The following DZANK1 variants were observed in gnomAD, a reference collection of about 807,000 sequenced individuals.
DZANK1 encodes double zinc ribbon and ankyrin repeat-containing protein 1.
Under a neutral mutation model 94.5 loss-of-function variants are expected in DZANK1, and 91 were observed. That is an observed-to-expected ratio of 0.96 (90% CI 0.81 to 1.15). DZANK1 has a LOEUF of 1.15. Ranked by LOEUF, DZANK1 falls within the 50% of genes most tolerant of loss-of-function variation. The pLI, the probability that DZANK1 is intolerant of heterozygous loss-of-function variation, is 0.00. For missense variants in DZANK1, 903 were observed against 916.4 expected (o/e 0.99, Z 0.19); for synonymous variants, 312 against 325.3 (o/e 0.96, Z 0.44).
rs546885081 is a variant in DZANK1, at chr20:18,404,804, C to T, written c.1433-6178G>A. Among the ~76,000 whole-genome samples, 328 of 152,090 alleles carry T rather than the reference C, an allele frequency of 2.2e-3. 2 individuals are homozygous for T. Among genetic ancestry groups the T allele is most frequent in the African/African-American group, 7.5e-3 (311 of 41,482 alleles). ...GAATGTACATGTAGTCCCTGCAACT[C>T]GAGAGGCTGAGATGAAAAGATCTCT... On this transcript the variant is annotated intron_variant, in intron 13 of 20. Transcript: ENST00000262547.
chr20:18,427,854 A>G (rs961724805), intron 9 of DZANK1, among the ~76,000 whole-genome samples: 28 of 152,144 alleles, frequency 1.8e-4, no homozygotes, highest in Non-Finnish European at 3.7e-4. Context: ...AAGACTGCCA[A>G]AGAAAGAGAG....
At chr20:18,391,755 G>T (rs1472903660) in intron 17 of DZANK1, among the ~76,000 whole-genome samples, 1 of 152,202 alleles carries the variant, frequency 6.6e-6, no homozygotes, top group Non-Finnish European at 1.5e-5. Flanking sequence ...CTCCTGTGAA[G>T]CCATGGCCAT....
chr20:18,455,086 G>A (rs2059236630), intron 4 of DZANK1, among the ~76,000 whole-genome samples, 161 bp downstream of exon 4: 1 of 152,230 alleles, frequency 6.6e-6, no homozygotes, highest in African/African-American at 2.4e-5. Context: ...ACAAAAGGCT[G>A]AGAAATCAGT....
chr20:18,417,120 A>G (rs746146297), intron 10 of DZANK1, among the ~76,000 whole-genome samples: 2 of 152,174 alleles, frequency 1.3e-5, no homozygotes, highest in Non-Finnish European at 2.9e-5. Context: ...AGCTATCAGA[A>G]TGAACATGCA....
intron 10 of DZANK1, among the ~76,000 whole-genome samples, chr20:18,424,708 C>T (rs376936980): frequency 1.3e-5 from 2 of 152,110 alleles, no homozygotes; most frequent in East Asian, 1.9e-4. Flanking sequence ...AATCCTACTC[C>T]TAGGTATTTA....
At chr20:18,417,904 G>A (rs1485788536) in intron 10 of DZANK1, among the ~76,000 whole-genome samples, 1 of 151,998 alleles carries the variant, frequency 6.6e-6, no homozygotes, top group East Asian at 1.9e-4. Context: ...TGGCCAACAC[G>A]GTGAAACACC....
At chr20:18,434,888 T>A (rs567054727) in intron 8 of DZANK1, among the ~76,000 whole-genome samples, 15 of 152,268 alleles carry the variant, frequency 9.9e-5, no homozygotes, top group Admixed American at 9.2e-4. Flanking sequence ...TAGTCTGAGA[T>A]AATGAGCCTG....
intron 10 of DZANK1, among the ~76,000 whole-genome samples, chr20:18,426,689 T>G (rs752300132): frequency 1.8e-4 from 28 of 152,234 alleles, no homozygotes; most frequent in Middle Eastern, 6.8e-3. Flanking sequence ...CAAAAAGCAG[T>G]GTGCATACAG....
chr20:18,430,250 C>A (rs1311320937), intron 9 of DZANK1, among the ~76,000 whole-genome samples: 1 of 152,156 alleles, frequency 6.6e-6, no homozygotes, highest in Non-Finnish European at 1.5e-5. Flanking sequence ...TATGGTTACA[C>A]TGGCCTTAAC....
At chr20:18,393,638 A>G in intron 17 of DZANK1, 73 bp downstream of exon 17, 2 of 1,006,286 alleles carry the variant, frequency 2.0e-6, no homozygotes, top group Non-Finnish European at 3.0e-6. Context: ...TTCCATTTTA[A>G]AAAAGGTCAA....
exon 21 of DZANK1, chr20:18,384,434 C>T (rs757091648): frequency 6.2e-6 from 10 of 1,611,318 alleles, no homozygotes; most frequent in African/African-American, 4.0e-5. Flanking sequence ...CTAGTTTGAG[C>T]GAGTTGGTCC....
intron 7 of DZANK1, among the ~76,000 whole-genome samples, chr20:18,444,459 G>C (rs1034522600): frequency 6.6e-6 from 1 of 152,242 alleles, no homozygotes; most frequent in Non-Finnish European, 1.5e-5. Flanking sequence ...CCAGAGAAGA[G>C]CTGCAGGGAG....
chr20:18,436,619 G>A (rs1239795456), intron 8 of DZANK1, among the ~76,000 whole-genome samples: 1 of 152,006 alleles, frequency 6.6e-6, no homozygotes, highest in African/African-American at 2.4e-5. Flanking sequence ...ATCAAGCACA[G>A]CAACAAGTAA....
At chr20:18,426,143 C>T (rs1303661910) in intron 10 of DZANK1, among the ~76,000 whole-genome samples, 3 of 152,162 alleles carry the variant, frequency 2.0e-5, no homozygotes, top group African/African-American at 4.8e-5. Flanking sequence ...GTGAGTGCTC[C>T]GCCTCCTATC....
chr20:18,454,867 G>C (rs569967443), intron 4 of DZANK1, among the ~76,000 whole-genome samples: 3 of 152,224 alleles, frequency 2.0e-5, no homozygotes, highest in Non-Finnish European at 4.4e-5. Context: ...GCAGTGATAG[G>C]GCATAGCAAA....
intron 8 of DZANK1, among the ~76,000 whole-genome samples, chr20:18,434,692 T>G (rs557867424): frequency 3.3e-5 from 5 of 152,112 alleles, no homozygotes; most frequent in Non-Finnish European, 5.9e-5. Context: ...CACTAAGCTC[T>G]GGGTGGTTGT....
intron 10 of DZANK1, among the ~76,000 whole-genome samples, chr20:18,424,466 C>A (rs111819915): frequency 0.11 from 11,262 of 98,912 alleles, 590 homozygotes; most frequent in Non-Finnish European, 0.15. Flanking sequence ...ATAACAACAA[C>A]AACAAAAAAA....
At chr20:18,435,989 C>T (rs576287421) in intron 8 of DZANK1, among the ~76,000 whole-genome samples, 24 of 152,192 alleles carry the variant, frequency 1.6e-4, no homozygotes, top group African/African-American at 5.1e-4. Flanking sequence ...TACTACCTGA[C>T]GCAGTCAAGA....
intron 10 of DZANK1, among the ~76,000 whole-genome samples, chr20:18,418,606 G>A (rs1305903093): frequency 6.6e-6 from 1 of 152,122 alleles, no homozygotes; most frequent in Non-Finnish European, 1.5e-5. Context: ...TTGTTTGTTT[G>A]CTTTGTTTTA....
Sources: gnomAD v4.1 joint callset for allele counts (sites outside exome capture counted in the v4.1 genomes callset) on GRCh38, gnomAD v4.1.1 for gene constraint, MANE v1.5 for transcripts, NCBI Gene and HGNC (gene_info 2026-07-23, HGNC 2026-07-21) for gene names.